Variants in RAD51B observed in about 807,000 individuals in gnomAD.
RAD51B encodes RAD51 paralog B, also known as DNA repair protein RAD51 homolog 2.
RAD51B carries 38 observed loss-of-function variants against 42.2 expected under a neutral mutation model. The observed-to-expected ratio is 0.90, with a 90% confidence interval of 0.70 to 1.18. RAD51B has a LOEUF of 1.18. Ranked by LOEUF, RAD51B falls within the 50% of genes most tolerant of loss-of-function variation. The pLI is 0.00. For missense variants in RAD51B, 373 were observed against 400.7 expected (o/e 0.93, Z 0.59); for synonymous variants, 154 against 145.2 (o/e 1.06, Z -0.43).
At chr14:67,867,730 A>G (rs2042375164) in intron 5 of RAD51B, among the ~76,000 whole-genome samples, 1 of 152,196 alleles carries the variant, frequency 6.6e-6, no homozygotes, top group Non-Finnish European at 1.5e-5. Flanking sequence ...TGGATTGGTA[A>G]TTAACAGTTT....
At chr14:68,623,785 A>G (rs192352196) in intron 10 of RAD51B, among the ~76,000 whole-genome samples, 98 of 152,384 alleles carry the variant, frequency 6.4e-4, no homozygotes, top group Admixed American at 2.7e-3. Context: ...ATAAACCAGT[A>G]GGGCCGGTAA....
chr14:68,168,933 C>T (rs1649382556), intron 7 of RAD51B, among the ~76,000 whole-genome samples: 1 of 152,072 alleles, frequency 6.6e-6, no homozygotes, highest in African/African-American at 2.4e-5. Context: ...TCAGCGAGTA[C>T]ATTTCAGACT....
intron 7 of RAD51B, among the ~76,000 whole-genome samples, chr14:68,277,984 C>T (rs2081256101): frequency 6.6e-6 from 1 of 152,230 alleles, no homozygotes; most frequent in African/African-American, 2.4e-5. Context: ...CTAAAATGAT[C>T]TGCCCGTCTT....
intron 7 of RAD51B, among the ~76,000 whole-genome samples, chr14:68,027,372 A>G (rs952497717): frequency 6.6e-6 from 1 of 151,982 alleles, no homozygotes; most frequent in Non-Finnish European, 1.5e-5. Flanking sequence ...TATTTCTTGA[A>G]TTTACATGTC....
chr14:68,612,866 G>T (rs1019106034), downstream of RAD51B, among the ~76,000 whole-genome samples: 1 of 151,650 alleles, frequency 6.6e-6, no homozygotes, highest in Admixed American at 6.6e-5. Context: ...AGGGAGGAAG[G>T]GGGAGGGAGA....
At chr14:68,449,292 A>G (rs1421201972) in intron 9 of RAD51B, among the ~76,000 whole-genome samples, 1 of 152,244 alleles carries the variant, frequency 6.6e-6, no homozygotes, top group East Asian at 1.9e-4. Flanking sequence ...AACTCCGTGC[A>G]TGAATATTGT....
intron 7 of RAD51B, among the ~76,000 whole-genome samples, chr14:68,020,406 A>G (rs2075845166): frequency 6.6e-6 from 1 of 152,154 alleles, no homozygotes; most frequent in Non-Finnish European, 1.5e-5. Context: ...CCATTGCACC[A>G]GCCTCTTTGC....
At chr14:68,149,476 T>A (rs1237934410) in intron 7 of RAD51B, 1 of 152,250 alleles carries the variant, frequency 6.6e-6, no homozygotes, top group African/African-American at 2.4e-5. Context: ...CTTTGCTTCT[T>A]TGTCAAGGTT....
intron 7 of RAD51B, among the ~76,000 whole-genome samples, chr14:68,088,607 T>C (rs554794980): frequency 2.8e-4 from 40 of 141,252 alleles, no homozygotes; most frequent in East Asian, 8.4e-4. Context: ...TGTGTGTGTG[T>C]GCGCGTGTGT....
At chr14:68,370,039 A>G (rs1432770827) in intron 8 of RAD51B, among the ~76,000 whole-genome samples, 5 of 152,206 alleles carry the variant, frequency 3.3e-5, no homozygotes, top group Non-Finnish European at 7.3e-5. Context: ...GCAGGAGGAT[A>G]ATGACTGAAC....
intron 4 of RAD51B, chr14:67,843,496 G>C (rs2041505050): frequency 1.3e-5 from 2 of 152,144 alleles, no homozygotes; most frequent in South Asian, 4.1e-4. Flanking sequence ...GGATTTTTCT[G>C]CTTGGTAGGC....
At chr14:67,871,412 C>CA (rs200073558) in intron 5 of RAD51B, among the ~76,000 whole-genome samples, 5,981 of 152,206 alleles carry the variant, frequency 0.039, 302 homozygotes, top group African/African-American at 0.12. Context: ...CTGAATAGAC[C>CA]AATAACAGGG....
At chr14:68,509,429 C>G (rs1885568697) in intron 10 of RAD51B, among the ~76,000 whole-genome samples, 1 of 152,206 alleles carries the variant, frequency 6.6e-6, no homozygotes, top group Non-Finnish European at 1.5e-5. Context: ...CTCAGTGACT[C>G]TGTTTCATCT....
chr14:68,585,907 C>T (rs895285674), intron 10 of RAD51B, among the ~76,000 whole-genome samples: 2 of 152,134 alleles, frequency 1.3e-5, no homozygotes, highest in East Asian at 1.9e-4. Context: ...ACTCAGCCCA[C>T]GGGGGTTCTT....
chr14:68,174,580 T>C (rs1480086770), intron 7 of RAD51B, among the ~76,000 whole-genome samples: 1 of 152,128 alleles, frequency 6.6e-6, no homozygotes, highest in Non-Finnish European at 1.5e-5. Flanking sequence ...TTGGAAATAC[T>C]GAACAATGCT....
chr14:67,843,875 T>G (rs2041517456), intron 4 of RAD51B, among the ~76,000 whole-genome samples: 1 of 152,096 alleles, frequency 6.6e-6, no homozygotes, highest in Non-Finnish European at 1.5e-5. Flanking sequence ...TTTGGTTATT[T>G]CTTATCTTCT....
intron 7 of RAD51B, among the ~76,000 whole-genome samples, chr14:68,030,519 C>T (rs1476436441): frequency 6.6e-6 from 1 of 152,182 alleles, no homozygotes; most frequent in African/African-American, 2.4e-5. Context: ...CTGCAGCTTC[C>T]TCACCTCTCT....
At chr14:68,672,551 A>G (rs777807319) in intron 11 of RAD51B, among the ~76,000 whole-genome samples, 2 of 152,194 alleles carry the variant, frequency 1.3e-5, no homozygotes, top group Admixed American at 6.5e-5. Flanking sequence ...TCTCAGGTCC[A>G]TTTTTATATT....
At chr14:68,107,706 C>T (rs1270681218) in intron 7 of RAD51B, among the ~76,000 whole-genome samples, 1 of 151,816 alleles carries the variant, frequency 6.6e-6, no homozygotes, top group Non-Finnish European at 1.5e-5. Context: ...GGTGCCAAGA[C>T]AATTCACTGG....
Sources: gnomAD v4.1 joint callset for allele counts (sites outside exome capture counted in the v4.1 genomes callset) on GRCh38, gnomAD v4.1.1 for gene constraint, MANE v1.5 for transcripts, NCBI Gene and HGNC (gene_info 2026-07-23, HGNC 2026-07-21) for gene names.